ABHD8: variants seen among roughly 807,000 people sequenced by gnomAD.
The protein encoded by ABHD8 is protein ABHD8.
In ABHD8, 10 loss-of-function variants were observed where a neutral mutation model predicts 29.3. The observed-to-expected ratio is 0.34, with a 90% CI of 0.21 to 0.58. ABHD8 has a LOEUF of 0.58. ABHD8 is among the 20% of genes least tolerant of loss of function. The probability of loss-of-function intolerance (pLI) is 0.85; values close to 1 mark genes in which losing one functional copy is unlikely to be tolerated. For synonymous variants in ABHD8, 282 were observed against 274.6 expected (o/e 1.03, Z -0.27); for missense variants, 556 against 615.3 (o/e 0.90, Z 1.02).
chr19:17,298,669 C>T (rs749836481), intron 2 of ABHD8, among the ~76,000 whole-genome samples: 4 of 151,054 alleles, frequency 2.6e-5, no homozygotes, highest in Non-Finnish European at 5.9e-5. Context: ...ACTAAACATC[C>T]TATAGCCCCT....
intron 3 of ABHD8, 31 bp downstream of exon 3, chr19:17,294,644 G>T (rs1274502468): frequency 7.4e-6 from 12 of 1,610,946 alleles, no homozygotes; most frequent in Non-Finnish European, 1.0e-5. Context: ...GCCAGGGCCA[G>T]GATCACGGTC....
chr19:17,298,778 T>A (rs2074104187), intron 2 of ABHD8, among the ~76,000 whole-genome samples: 3 of 147,752 alleles, frequency 2.0e-5, no homozygotes, highest in Non-Finnish European at 4.5e-5. Flanking sequence ...TCTCACTCTG[T>A]TGCTCAGGCT....
chr19:17,292,247 G>A lies in ABHD8; in HGVS notation c.*414C>T. ...AGCTCCCAGCGCCGAGGAATGGGGG[G>A]TAGGAAGGGTCTCGGATAACGGGAT... On this transcript the variant is annotated 3_prime_UTR_variant, in exon 5 of 5. Transcript: ENST00000247706. 3.6e-6 allele frequency: 1 copy of A among 278,020 alleles called. No individual in the cohort carries two copies. The highest frequency in any genetic ancestry group is 1.0e-3 in the Middle Eastern group (1 of 990). The allele number at this position is 278,020 out of a possible 1,614,324, so 17.2% of individuals were successfully genotyped here. A position where few individuals can be genotyped will look rare whatever the true frequency, so the allele number is the denominator to read the frequency against.
chr19:17,294,177 G>T (rs1005800092), intron 4 of ABHD8, 111 bp downstream of exon 4: 8 of 1,345,902 alleles, frequency 5.9e-6, no homozygotes, highest in African/African-American at 1.5e-5. Context: ...ACGCCCCCTC[G>T]GGAAGAAAGC....
chr19:17,294,843 A>G lies in ABHD8; in HGVS notation c.764T>C (p.Val255Ala). The G allele has an allele frequency of 1.9e-6, 3 of 1,613,620 alleles. No homozygotes were observed. Among genetic ancestry groups the G allele is most frequent in the Non-Finnish European group, 2.5e-6 (3 of 1,179,582 alleles). ...RNVLIGHSYG[V>A]SFCTFLAHEY... ...ATGTGCCAGGAATGTGCAGAAAGAG[A>G]CACTGCCCGGAACGGGTGGGGTGAT... is the stretch of plus-strand genomic sequence containing the variant. The change falls in exon 3 of 5, where the codon GTC becomes GCC. Residue 255 changes from valine (V) to alanine (A), a missense_variant and splice_region_variant. By Grantham distance (64) the Val-to-Ala change is moderately conservative (BLOSUM62 0). Transcript: ENST00000247706.
chr19:17,297,495 C>T (rs189187847), intron 2 of ABHD8, among the ~76,000 whole-genome samples: 116 of 152,092 alleles, frequency 7.6e-4, no homozygotes, highest in Admixed American at 1.3e-3. Flanking sequence ...GGGGTTTCAC[C>T]ATTTTGGCCA....
intron 2 of ABHD8, among the ~76,000 whole-genome samples, chr19:17,300,394 G>C (rs1044677701): frequency 1.3e-5 from 2 of 151,948 alleles, no homozygotes; most frequent in Non-Finnish European, 2.9e-5. Context: ...TGTAGAGCTA[G>C]GGGGTTCTCC....
intron 1 of ABHD8, among the ~76,000 whole-genome samples, chr19:17,302,395 T>G (rs1170181076): frequency 6.6e-6 from 1 of 152,174 alleles, no homozygotes; most frequent in Non-Finnish European, 1.5e-5. Flanking sequence ...ATACACTAAC[T>G]CACTAACTCA....
At chr19:17,297,185 TTGC>T (rs1406875441) in intron 2 of ABHD8, among the ~76,000 whole-genome samples, 2 of 152,212 alleles carry the variant, frequency 1.3e-5, no homozygotes, top group Non-Finnish European at 2.9e-5. Flanking sequence ...TTTGGGCAGG[TTGC>T]TTCACCTCTC....
chr19:17,294,615 C>G (rs956370634), intron 3 of ABHD8, 60 bp downstream of exon 3: 28 of 1,607,068 alleles, frequency 1.7e-5, no homozygotes, highest in Middle Eastern at 1.7e-4. Context: ...CCATCCAACT[C>G]GAGCAGATGC....
At chr19:17,298,535 G>C (rs888766849) in intron 2 of ABHD8, 5 of 152,038 alleles carry the variant, frequency 3.3e-5, no homozygotes, top group African/African-American at 1.2e-4. Flanking sequence ...CTAAGGCAGT[G>C]GTTCTCAGCT....
chr19:17,301,197 G>A lies in ABHD8; in HGVS notation c.420C>T (p.Ser140=), dbSNP rs776062813. The stretch of plus-strand genomic sequence containing the variant: ...GCCGCCGCCCACCACTGCCACTGCC[G>A]CTGCCGCTGCCTGCGCTGCCGGGGG... ...RLAPGSAGSG[S]GSGSGGRRRR... is the part of the protein sequence containing the mutation. Residue 140 remains serine (S), a synonymous_variant, in exon 2 of 5, where the codon AGC becomes AGT. Coordinates refer to ENST00000247706, the MANE Select transcript of ABHD8 (RefSeq NM_024527.5). 2 of 1,601,406 alleles carry A rather than the reference G, an allele frequency of 1.2e-6. No homozygotes were observed. The highest frequency in any genetic ancestry group is 1.7e-6 in the Non-Finnish European group (2 of 1,176,398).
At chr19:17,297,999 C>A (rs2074101124) in intron 2 of ABHD8, 1 of 151,128 alleles carries the variant, frequency 6.6e-6, no homozygotes, top group Admixed American at 6.6e-5. Flanking sequence ...ACTGCAAGCT[C>A]CACCTCCTGG....
intron 2 of ABHD8, among the ~76,000 whole-genome samples, chr19:17,297,388 T>C (rs1232146941): frequency 6.6e-6 from 1 of 151,978 alleles, no homozygotes; most frequent in African/African-American, 2.4e-5. Flanking sequence ...CCCCACCTCA[T>C]GGGTTCGAAT....
chr19:17,297,530 G>A (rs150926538), intron 2 of ABHD8, among the ~76,000 whole-genome samples: 114 of 152,160 alleles, frequency 7.5e-4, no homozygotes, highest in African/African-American at 2.6e-3. Context: ...TCCTGACCTT[G>A]TGATCCGCCT....
chr19:17,293,752 G>A (rs1251224644), intron 4 of ABHD8, among the ~76,000 whole-genome samples: 1 of 151,076 alleles, frequency 6.6e-6, no homozygotes, highest in East Asian at 1.9e-4. Flanking sequence ...GGAGTGCAGT[G>A]GTGCGAGCAT....
Position 17,301,201 on chromosome 19 carries a change from C to A in ABHD8, c.416G>T (p.Gly139Val), listed in dbSNP as rs200255813. ...CCGCCCACCACTGCCACTGCCGCTG[C>A]CGCTGCCTGCGCTGCCGGGGGCCAA... ...GRLAPGSAGS[G>V]SGSGSGGRRR... Residue 139 changes from glycine to valine, a missense_variant, in exon 2 of 5, where the codon GGC becomes GTC. By Grantham distance (109) the Gly-to-Val change is moderately radical. This residue lies in a region of ABHD8 where 286 missense variants were observed against 261.4 expected (regional missense o/e 1.09). Transcript: ENST00000247706. 154 of 1,602,316 alleles carry A rather than the reference C, an allele frequency of 9.6e-5. No homozygotes were observed. The African/African-American group carries it at 1.8e-3, about 18-fold the overall frequency.
intron 2 of ABHD8, among the ~76,000 whole-genome samples, chr19:17,297,358 C>T (rs146768366): frequency 7.3e-4 from 111 of 152,132 alleles, no homozygotes; most frequent in Admixed American, 2.1e-3. Context: ...TGCAATGGTG[C>T]GATCTCGGCT....
rs1050853182 is a variant in ABHD8, at chr19:17,300,964, G to A, written c.653C>T (p.Ala218Val). Residue 218 changes from alanine to valine, a missense_variant, in exon 2 of 5, where the codon GCG becomes GTG. Coordinates refer to ENST00000247706, the MANE Select transcript of ABHD8 (RefSeq NM_024527.5). ...GGTGTAGGCTGCGGCCACCTGGGGC[G>A]CAGAGCTGGCCCCGTGGCCGGCCAG... ...PDLAGHGASSAPQVAAAYTFY... is the reference protein window; with the variant it reads ...PDLAGHGASSVPQVAAAYTFY... 5 of 1,613,326 alleles carry A rather than the reference G, an allele frequency of 3.1e-6. No individual in the cohort carries two copies. Among genetic ancestry groups the A allele is most frequent in the East Asian group, 2.2e-5 (1 of 44,894 alleles).
Sources: gnomAD v4.1 joint callset for allele counts (sites outside exome capture counted in the v4.1 genomes callset) on GRCh38, gnomAD v4.1.1 for gene constraint, gnomAD v4.1.1 regional missense constraint, MANE v1.5 for transcripts, NCBI Gene and HGNC (gene_info 2026-07-23, HGNC 2026-07-21) for gene names.